Variants in ADGRG6 observed in about 807,000 individuals in gnomAD.
ADGRG6 encodes the protein adhesion G protein-coupled receptor G6, also known as G-protein coupled receptor 126.
In ADGRG6, 84 loss-of-function variants were observed where a neutral mutation model predicts 142.4. The observed-to-expected ratio is 0.59, with a 90% CI of 0.49 to 0.71. The LOEUF is 0.71. Among genes scored for constraint, ADGRG6 ranks in the 30% least tolerant of loss-of-function variants. ADGRG6 has a pLI of 0.00. For synonymous variants in ADGRG6, 521 were observed against 520.5 expected, an observed-to-expected ratio of 1.00 and a Z score of -0.01; for missense variants, 1,367 against 1,466.6, an observed-to-expected ratio of 0.93 and a Z score of 1.11.
At chr6:142,312,359 AAT>A (rs1777810884) in intron 2 of ADGRG6, among the ~76,000 whole-genome samples, 1 of 152,118 alleles carries the variant, frequency 6.6e-6, no homozygotes, top group South Asian at 2.1e-4. Flanking sequence ...TTAAAAAAGA[AAT>A]ATGTGAGTTT....
rs751479864 is a variant in ADGRG6 at position 142,443,364 on chromosome 6, C to G, written c.3602C>G (p.Ser1201Ter). 2.0e-5 allele frequency: 32 copies of G among 1,611,716 alleles called. No individual in the cohort carries two copies. The highest frequency in any genetic ancestry group is 1.5e-4 in the Admixed American group (9 of 59,740). ...TDSASMDKSL[S>*]KLAHADGDQT... ...AGTGCTTCCATGGACAAGTCCTTGTCAAAACTGGCCCATGCTGATGGAGAT... is the reference window on the plus strand; with the variant it reads ...AGTGCTTCCATGGACAAGTCCTTGTGAAAACTGGCCCATGCTGATGGAGAT... Residue 1201 changes from serine (S) to a stop codon, truncating the protein, a stop_gained, in exon 25 of 25, where the codon TCA becomes TGA. Coordinates refer to ENST00000367609, the MANE Select transcript of ADGRG6 (RefSeq NM_198569.3). LOFTEE classifies it high-confidence loss of function.
At chr6:142,362,772 G>A (rs1289142421) in intron 2 of ADGRG6, among the ~76,000 whole-genome samples, 1 of 152,132 alleles carries the variant, frequency 6.6e-6, no homozygotes, top group Non-Finnish European at 1.5e-5. Context: ...ACATCTGACA[G>A]CAATTTACTT....
At chr6:142,384,889 G>T in intron 6 of ADGRG6, among the ~76,000 whole-genome samples, 1 of 151,922 alleles carries the variant, frequency 6.6e-6, no homozygotes, top group South Asian at 2.1e-4. Flanking sequence ...TAAAGACATC[G>T]ATTCAGATAG....
At chr6:142,439,617 T>A (rs1777645905) in intron 24 of ADGRG6, among the ~76,000 whole-genome samples, 1 of 152,200 alleles carries the variant, frequency 6.6e-6, no homozygotes, top group African/African-American at 2.4e-5. Context: ...GTTCTTTAAT[T>A]CCAAAATTAA....
chr6:142,375,641 C>T (rs963984655), intron 4 of ADGRG6, among the ~76,000 whole-genome samples: 3 of 152,090 alleles, frequency 2.0e-5, no homozygotes, highest in Admixed American at 2.0e-4. Context: ...TAATTTCCAA[C>T]AAACTAATCA....
intron 18 of ADGRG6, among the ~76,000 whole-genome samples, chr6:142,412,128 G>T (rs539947109): frequency 1.3e-5 from 2 of 152,060 alleles, no homozygotes; most frequent in Non-Finnish European, 2.9e-5. Flanking sequence ...ATTTTAAGAC[G>T]CACCACGCAT....
chr6:142,338,823 A>G (rs910091552), intron 2 of ADGRG6, among the ~76,000 whole-genome samples: 1 of 152,162 alleles, frequency 6.6e-6, no homozygotes. Flanking sequence ...TCTTCTAGTC[A>G]TTCATTTACC....
chr6:142,319,948 G>T (rs1201226458), intron 2 of ADGRG6, among the ~76,000 whole-genome samples: 1 of 152,092 alleles, frequency 6.6e-6, no homozygotes, highest in East Asian at 1.9e-4. Context: ...GTCAGAAAAA[G>T]ATGTAGTTCA....
intron 2 of ADGRG6, among the ~76,000 whole-genome samples, chr6:142,317,901 A>ATATATATTATATATATTTATATATT (rs1778205996): frequency 2.7e-5 from 1 of 37,056 alleles, no homozygotes; most frequent in Non-Finnish European, 4.3e-5. Context: ...TTATATATTT[A>ATATATATTATATATATTTATATATT]TATATATTAT....
In ADGRG6 at chr6:142,420,120, CA is replaced by C. The variant is rs781063217; in HGVS notation, c.3319+17del. ...TCATTACAAGGTAAGATAAATTGTA[CA>C]TGAATAGTCTCTGCTTTCTAATTTT... On this transcript the variant is annotated intron_variant, in intron 22 of 24. Transcript: ENST00000367609. 6.3e-7 allele frequency: 1 copy of C among 1,581,888 alleles called. No individual in the cohort carries two copies. Among genetic ancestry groups the C allele is most frequent in the Non-Finnish European group, 8.7e-7 (1 of 1,153,638 alleles).
intron 4 of ADGRG6, 92 bp from the exon 5 acceptor site, chr6:142,381,859 G>T: frequency 1.3e-6 from 1 of 766,246 alleles, no homozygotes; most frequent in African/African-American, 1.7e-5. Context: ...GACTCTTCTA[G>T]GGCTGCTTCT....
chr6:142,372,146 T>C (rs75605314), intron 4 of ADGRG6, among the ~76,000 whole-genome samples: 2,534 of 152,302 alleles, frequency 0.017, 73 homozygotes, highest in African/African-American at 0.057. Flanking sequence ...AAAATAGATC[T>C]CCACCTAATA....
In ADGRG6 at chr6:142,443,577, C is replaced by T. The variant is rs921854820; in HGVS notation, c.*62C>T. The T allele has an allele frequency of 1.6e-5, 17 of 1,084,152 alleles. No homozygotes were observed. The African/African-American group carries it at 2.4e-4, about 15-fold the overall frequency. 67.2% of individuals were successfully genotyped at this position (1,084,152 alleles called of 1,614,324 possible). On this transcript the variant is annotated 3_prime_UTR_variant, in exon 25 of 25. Transcript: ENST00000367609. ...GAAGATTTGCAAGCAGTGTAAACTG[C>T]AACTAGTGATGTAAATGTGCTATTA...
In ADGRG6 at chr6:142,443,646, G is replaced by A. The variant is rs558223926; in HGVS notation, c.*131G>A. 3.7e-5 allele frequency: 21 copies of A among 562,868 alleles called. No individual in the cohort carries two copies. Among genetic ancestry groups the A allele is most frequent in the South Asian group, 3.3e-4 (10 of 30,544 alleles). The allele number at this position is 562,868 out of a possible 1,614,324, so 34.9% of individuals were successfully genotyped here. ...TATAAGGAATGTATTTTGTTAAGAA[G>A]GCTTTTGTGAAATTCAGAATTTTTC... On this transcript the variant is annotated 3_prime_UTR_variant, in exon 25 of 25. Coordinates refer to ENST00000367609, the MANE Select transcript of ADGRG6 (RefSeq NM_198569.3).
rs78384528 is a variant in ADGRG6, at chr6:142,401,744, G to A, written c.1680-250G>A. Among the ~76,000 whole-genome samples the A allele has an allele frequency of 8.0e-3, 1,216 of 152,120 alleles. 20 individuals are homozygous for A. The highest frequency in any genetic ancestry group is 0.058 in the East Asian group (302 of 5,166). ...GAAGAATGAGGTGGAGAAATGGAGA[G>A]AATTTGGGAACATTGTATAGATAGG... On this transcript the variant is annotated intron_variant, in intron 11 of 24. Transcript: ENST00000367609.
At chr6:142,393,990 CAT>C in intron 9 of ADGRG6, 32 bp downstream of exon 9, 4 of 1,312,050 alleles carry the variant, frequency 3.0e-6, no homozygotes, top group Non-Finnish European at 4.3e-6. Context: ...AAGAGTATAA[CAT>C]TCTTTCTCTT....
intron 2 of ADGRG6, among the ~76,000 whole-genome samples, chr6:142,314,576 A>G (rs1253787208): frequency 6.6e-6 from 1 of 152,166 alleles, no homozygotes; most frequent in Admixed American, 6.6e-5. Context: ...CCTTTGTGTC[A>G]GCTACAACGT....
chr6:142,425,055 C>G (rs1776872327), intron 22 of ADGRG6, among the ~76,000 whole-genome samples: 1 of 152,072 alleles, frequency 6.6e-6, no homozygotes, highest in Admixed American at 6.6e-5. Context: ...ACTCATATAT[C>G]CTGAGAACAA....
At chr6:142,406,196 T>TTTG (rs1358785986) in intron 15 of ADGRG6, among the ~76,000 whole-genome samples, 1 of 151,720 alleles carries the variant, frequency 6.6e-6, no homozygotes, top group Admixed American at 6.6e-5. Context: ...AAGGGTTTTT[T>TTTG]TTTTTTCTTT....
Sources: gnomAD v4.1 joint callset for allele counts (sites outside exome capture counted in the v4.1 genomes callset) on GRCh38, gnomAD v4.1.1 for gene constraint, MANE v1.5 for transcripts, NCBI Gene and HGNC (gene_info 2026-07-23, HGNC 2026-07-21) for gene names.